The following JAGN1 variants were observed in gnomAD, a reference collection of about 807,000 sequenced individuals.
JAGN1 encodes the protein jagunal vesicle mediated transporter 1.
A neutral mutation model predicts 17.1 loss-of-function variants in JAGN1; 13 were observed. That is an observed-to-expected ratio of 0.76 (90% confidence interval 0.49 to 1.21). The LOEUF is 1.21. Ranked by LOEUF, JAGN1 falls within the 50% of genes most tolerant of loss-of-function variation. JAGN1 has a pLI of 0.00. For missense variants in JAGN1, 256 were observed against 234.2 expected, an observed-to-expected ratio of 1.09 and a Z score of -0.61; for synonymous variants, 111 against 91.0, an observed-to-expected ratio of 1.22 and a Z score of -1.25.
Position 9,893,461 on chromosome 3 carries a change from A to C in JAGN1, c.*84A>C. The C allele has an allele frequency of 8.7e-7, 1 of 1,144,336 alleles. No individual in the cohort carries two copies. The highest frequency in any genetic ancestry group is 1.2e-6 in the Non-Finnish European group (1 of 824,308). 70.9% of individuals were successfully genotyped at this position (1,144,336 alleles called of 1,614,324 possible). A position where few individuals can be genotyped will look rare whatever the true frequency, so the allele number is the denominator to read the frequency against. ...TTCCAAAATCCCTTCTGGTGATTTT[A>C]GCAGCTGTGATGTTGGTACCTGGTG... On this transcript the variant is annotated 3_prime_UTR_variant, in exon 2 of 2. Transcript: ENST00000647897.
Position 9,893,496 on chromosome 3 carries a change from C to T in JAGN1, c.*119C>T. 1 of 815,150 alleles carries T rather than the reference C, an allele frequency of 1.2e-6. No homozygotes were observed. The highest frequency in any genetic ancestry group is 1.9e-6 in the Non-Finnish European group (1 of 533,600). The allele number at this position is 815,150 out of a possible 1,614,324, so 50.5% of individuals were successfully genotyped here. A position where few individuals can be genotyped will look rare whatever the true frequency, so the allele number is the denominator to read the frequency against. ...ATGTTGGTACCTGGTGCAGACCAGG[C>T]CAAAGTTCTGGAAAGCTCCTTTTGC... On this transcript the variant is annotated 3_prime_UTR_variant, in exon 2 of 2. Coordinates refer to ENST00000647897, the MANE Select transcript of JAGN1 (RefSeq NM_032492.4).
rs2082580358 is a variant in JAGN1 at position 9,893,985 on chromosome 3, A to G, written c.*608A>G. The G allele has an allele frequency of 6.5e-6, 1 of 153,586 alleles. No individual in the cohort carries two copies. Among genetic ancestry groups the G allele is most frequent in the Admixed American group, 6.4e-5 (1 of 15,522 alleles). 9.5% of individuals were successfully genotyped at this position (153,586 alleles called of 1,614,324 possible). On this transcript the variant is annotated 3_prime_UTR_variant, in exon 2 of 2. Coordinates refer to ENST00000647897, the MANE Select transcript of JAGN1 (RefSeq NM_032492.4). ...GTGGCCATAGAGAAGTAGACTGGGT[A>G]TGGGGAACCTAAGTCATAGTTGTAA... is the stretch of plus-strand genomic sequence containing the variant.
rs900823559 is a variant in JAGN1 at position 9,890,694 on chromosome 3, GAGGGGTTC to G, written c.-28_-21del. The stretch of plus-strand genomic sequence containing the variant: ...TGTCGTTGCGGTACCAGGTCCGCGT[GAGGGGTTC>G]GGGGGTTCTGGGCAGGCACAATGGC... On this transcript the variant is annotated 5_prime_UTR_variant, in exon 1 of 2. Transcript: ENST00000647897. 6.3e-7 allele frequency: 1 copy of G among 1,589,752 alleles called. No individual in the cohort carries two copies. The highest frequency in any genetic ancestry group is 1.8e-5 in the Admixed American group (1 of 56,082).
At chr3:9,892,016 A>AT (rs1352098596) in intron 1 of JAGN1, among the ~76,000 whole-genome samples, 1 of 145,290 alleles carries the variant, frequency 6.9e-6, no homozygotes, top group Non-Finnish European at 1.5e-5. Flanking sequence ...ATTATTATTA[A>AT]TTTATTTATT....
In JAGN1 at chr3:9,890,672, C is replaced by G. The variant is rs369579060; in HGVS notation, c.-51C>G. 1.3e-6 allele frequency: 2 copies of G among 1,536,916 alleles called. No homozygotes were observed. The highest frequency in any genetic ancestry group is 1.2e-5 in the South Asian group (1 of 84,780). On this transcript the variant is annotated 5_prime_UTR_variant, in exon 1 of 2. Coordinates refer to ENST00000647897, the MANE Select transcript of JAGN1 (RefSeq NM_032492.4). ...GGGTCAGTGGGCCGCTTGGCGGTGT[C>G]GTTGCGGTACCAGGTCCGCGTGAGG...
At position 9,893,499 on chromosome 3, in the gene JAGN1, A is replaced by G. The variant is rs1261137342; in HGVS notation, c.*122A>G. The stretch of plus-strand genomic sequence containing the variant: ...TTGGTACCTGGTGCAGACCAGGCCA[A>G]AGTTCTGGAAAGCTCCTTTTGCCAT... On this transcript the variant is annotated 3_prime_UTR_variant, in exon 2 of 2. Transcript: ENST00000647897. The G allele has an allele frequency of 1.3e-5, 10 of 763,512 alleles. No individual in the cohort carries two copies. Among genetic ancestry groups the G allele is most frequent in the Middle Eastern group, 3.8e-4 (1 of 2,608 alleles). 47.3% of individuals were successfully genotyped at this position (763,512 alleles called of 1,614,324 possible).
chr3:9,892,635 G>A (rs530437210), intron 1 of JAGN1, among the ~76,000 whole-genome samples: 2 of 152,132 alleles, frequency 1.3e-5, no homozygotes, highest in East Asian at 3.9e-4. Context: ...TCATTCCTGA[G>A]CCTAGTTCAG....
At position 9,893,858 on chromosome 3, in the gene JAGN1, C is replaced by T. The variant is rs1433702673; in HGVS notation, c.*481C>T. On this transcript the variant is annotated 3_prime_UTR_variant, in exon 2 of 2. Transcript: ENST00000647897. ...AAAGATGGCCCTGCCCACACTGTGCCTTGTGTTTGGGGCTTGATAGAGTGT... is the reference window on the plus strand; with the variant it reads ...AAAGATGGCCCTGCCCACACTGTGCTTTGTGTTTGGGGCTTGATAGAGTGT... 2 of 165,520 alleles carry T rather than the reference C, an allele frequency of 1.2e-5. No individual in the cohort carries two copies. Among genetic ancestry groups the T allele is most frequent in the Non-Finnish European group, 1.3e-5 (1 of 74,806 alleles). 10.3% of individuals were successfully genotyped at this position (165,520 alleles called of 1,614,324 possible).
Position 9,893,347 on chromosome 3 carries a change from C to G in JAGN1, c.522C>G (p.Phe174Leu), listed in dbSNP as rs370035886. Reference sequence around the variant, plus strand: ...GCAAGAAGCTCCTAGACTCTTGGTTCACCAGCACACAGGAGAAGAAGCATA... The same window carrying G: ...GCAAGAAGCTCCTAGACTCTTGGTTGACCAGCACACAGGAGAAGAAGCATA... Reference protein sequence around the residue: ...YYSKKLLDSWFTSTQEKKHK With the variant: ...YYSKKLLDSWLTSTQEKKHK Residue 174 changes from phenylalanine (F) to leucine (L), a missense_variant, in exon 2 of 2, where the codon TTC (phenylalanine) becomes TTG (leucine). By Grantham distance (22) the Phe-to-Leu change is conservative (BLOSUM62 0). Coordinates refer to ENST00000647897, the MANE Select transcript of JAGN1 (RefSeq NM_032492.4). 1.5e-5 allele frequency: 25 copies of G among 1,613,310 alleles called. No individual in the cohort carries two copies. In the African/African-American group the frequency reaches 2.9e-4, roughly 19 times the overall value.
At chr3:9,892,604 G>A (rs941630668) in intron 1 of JAGN1, among the ~76,000 whole-genome samples, 4 of 152,012 alleles carry the variant, frequency 2.6e-5, no homozygotes, top group Admixed American at 2.6e-4. Context: ...GCATGCTCCT[G>A]CATGGGATGC....
At chr3:9,892,574 A>G (rs2082570423) in intron 1 of JAGN1, among the ~76,000 whole-genome samples, 1 of 152,036 alleles carries the variant, frequency 6.6e-6, no homozygotes. Flanking sequence ...TGGAACACAA[A>G]TACTTGGGCC....
chr3:9,892,716 T>A (rs1457202767), intron 1 of JAGN1, 199 bp from the exon 2 acceptor site: 1 of 574,408 alleles, frequency 1.7e-6, no homozygotes, highest in Non-Finnish European at 3.1e-6. Context: ...CTTCCTGTGA[T>A]CCCATATATC....
Position 9,893,546 on chromosome 3 carries a change from A to G in JAGN1, c.*169A>G. The G allele has an allele frequency of 6.8e-6, 4 of 589,602 alleles. No homozygotes were observed. The highest frequency in any genetic ancestry group is 2.9e-5 in the East Asian group (1 of 35,076). The allele number at this position is 589,602 out of a possible 1,614,324, so 36.5% of individuals were successfully genotyped here. ...CCATCTGCTGAGGTGGCAAAACTAT[A>G]ATTTATTCCTGGTTGGCTAGAACTG... On this transcript the variant is annotated 3_prime_UTR_variant, in exon 2 of 2. Transcript: ENST00000647897.
chr3:9,890,610 C>A lies in JAGN1; in HGVS notation c.-113C>A. ...TCCAGAGACAGAGGGGCCGGAAGTT[C>A]TCTTCACGGAGCCGCGCGGCTGCGG... On this transcript the variant is annotated 5_prime_UTR_variant, in exon 1 of 2. Transcript: ENST00000647897. The A allele has an allele frequency of 6.2e-6, 6 of 975,332 alleles. No homozygotes were observed. The highest frequency in any genetic ancestry group is 6.1e-6 in the Non-Finnish European group (4 of 656,780). The allele number at this position is 975,332 out of a possible 1,614,324, so 60.4% of individuals were successfully genotyped here.
rs781468495 is a variant in JAGN1 at position 9,893,106 on chromosome 3, G to A, written c.281G>A (p.Arg94His). 7 of 1,614,074 alleles carry A rather than the reference G, an allele frequency of 4.3e-6. No homozygotes were observed. Among genetic ancestry groups the A allele is most frequent in the Middle Eastern group, 1.6e-4 (1 of 6,062 alleles). Reference sequence around the variant, plus strand: ...CTCTTGGGCCTTCTCTCCTTTCCCCGCAACAACATTAGCTACCTGGTGCTC... The same window carrying A: ...CTCTTGGGCCTTCTCTCCTTTCCCCACAACAACATTAGCTACCTGGTGCTC... ...PSLLGLLSFP[R>H]NNISYLVLSM... The change falls in exon 2 of 2, where the codon CGC (arginine) becomes CAC (histidine). Residue 94 changes from arginine (R) to histidine (H), a missense_variant. Physicochemically the swap from Arg to His is conservative, Grantham distance 29. Coordinates refer to ENST00000647897, the MANE Select transcript of JAGN1 (RefSeq NM_032492.4).
chr3:9,892,929 ATG>A lies in JAGN1; in HGVS notation c.105_106del (p.Tyr35Ter). ...CTGCCCCACAGTGTGACTCTCAAGT[ATG>A]AAATCAAGAAGCTGATCTACGTACA... On this transcript the variant is annotated stop_gained and frameshift_variant, in exon 2 of 2. Transcript: ENST00000647897. LOFTEE classifies it high-confidence loss of function. The A allele has an allele frequency of 6.2e-7, 1 of 1,611,324 alleles. No homozygotes were observed. Among genetic ancestry groups the A allele is most frequent in the African/African-American group, 1.3e-5 (1 of 74,988 alleles).
rs1416909240 is a variant in JAGN1, at chr3:9,893,242, CTT to C, written c.419_420del (p.Phe140TrpfsTer43). ...YRHGKAYRFL[F>X]GFSAVSIMYL... ...GCCATGGCAAGGCCTACCGTTTCCT[CTT>C]TGGTTTTTCTGCCGTTTCCATCATG... On this transcript the variant is annotated frameshift_variant, in exon 2 of 2. Transcript: ENST00000647897. LOFTEE classifies it high-confidence loss of function. 6.2e-7 allele frequency: 1 copy of C among 1,614,224 alleles called. No individual in the cohort carries two copies.
chr3:9,891,381 A>G (rs2082561993), intron 1 of JAGN1, among the ~76,000 whole-genome samples: 1 of 152,272 alleles, frequency 6.6e-6, no homozygotes, highest in African/African-American at 2.4e-5. Flanking sequence ...TAGTTCGACA[A>G]ATACTGAGCT....
In JAGN1 at chr3:9,894,244, A is replaced by AC. The variant is rs1244246676; in HGVS notation, c.*867_*868insC. On this transcript the variant is annotated 3_prime_UTR_variant, in exon 2 of 2. Coordinates refer to ENST00000647897, the MANE Select transcript of JAGN1 (RefSeq NM_032492.4). ...ATTTACAATTCAGTAGAAACTTGTT[A>AC]TTCATGTGAAACAGTGAACATAATA... 2 of 152,226 alleles carry AC rather than the reference A, an allele frequency of 1.3e-5. No homozygotes were observed. Among genetic ancestry groups the AC allele is most frequent in the Admixed American group, 1.3e-4 (2 of 15,286 alleles). The allele number at this position is 152,226 out of a possible 1,614,324, so 9.4% of individuals were successfully genotyped here.
Sources: gnomAD v4.1 joint callset for allele counts (sites outside exome capture counted in the v4.1 genomes callset) on GRCh38, gnomAD v4.1.1 for gene constraint, MANE v1.5 for transcripts, NCBI Gene and HGNC (gene_info 2026-07-23, HGNC 2026-07-21) for gene names.